The following IDE variants were observed in gnomAD, a reference collection of about 807,000 sequenced individuals.
IDE encodes insulin degrading enzyme.
IDE carries 58 observed loss-of-function variants against 133.2 expected under a neutral mutation model. The observed-to-expected ratio is 0.44, with a 90% CI of 0.35 to 0.54. The LOEUF is 0.54. IDE is among the 20% of genes least tolerant of loss of function. IDE has a pLI of 0.00. For synonymous variants in IDE, 396 were observed against 421.3 expected, an observed-to-expected ratio of 0.94 and a Z score of 0.73; for missense variants, 981 against 1,234.0, an observed-to-expected ratio of 0.79 and a Z score of 3.07.
At position 92,564,671 on chromosome 10, in the gene IDE, C is replaced by CAAAAAAAAAAAAA. The variant is rs532861372; in HGVS notation, c.98+9238_98+9250dup. ...CCTGGGCGATAAAGCGAGACTGTCT[C>CAAAAAAAAAAAAA]AAAAAAAAAAAAAAAAAAAAAAAAA... is the stretch of plus-strand genomic sequence containing the variant. On this transcript the variant is annotated intron_variant, in intron 1 of 24. Coordinates refer to ENST00000265986, the MANE Select transcript of IDE (RefSeq NM_004969.4). Among the ~76,000 whole-genome samples, 10 of 31,586 alleles carry CAAAAAAAAAAAAA rather than the reference C, an allele frequency of 3.2e-4. 1 individual carries two copies. The highest frequency in any genetic ancestry group is 9.9e-4 in the South Asian group (1 of 1,012). 20.7% of individuals were successfully genotyped at this position (31,586 alleles called of 152,430 possible). A position where few individuals can be genotyped will look rare whatever the true frequency, so the allele number is the denominator to read the frequency against.
At chr10:92,463,699 C>G in intron 21 of IDE, 32 bp downstream of exon 21, 1 of 1,583,496 alleles carries the variant, frequency 6.3e-7, no homozygotes, top group Non-Finnish European at 8.7e-7. Flanking sequence ...TACTTGAATG[C>G]CATAAATGTT....
intron 11 of IDE, among the ~76,000 whole-genome samples, chr10:92,495,217 T>C (rs903512564): frequency 1.1e-4 from 6 of 56,304 alleles, no homozygotes; most frequent in African/African-American, 4.0e-4. Flanking sequence ...CACACTCGGC[T>C]TTTTTTTTTT....
intron 19 of IDE, among the ~76,000 whole-genome samples, chr10:92,466,612 T>G (rs1445035925): frequency 1.5e-5 from 2 of 137,584 alleles, no homozygotes; most frequent in African/African-American, 2.9e-5. Flanking sequence ...CCACCACGCC[T>G]GGCCCTTTTC....
intron 11 of IDE, among the ~76,000 whole-genome samples, chr10:92,501,362 TAAAA>T (rs55861862): frequency 1.0e-4 from 2 of 19,232 alleles, no homozygotes; most frequent in East Asian, 1.5e-3. Context: ...ACTCTGTCAT[TAAAA>T]AAAAAAAAAA....
intron 4 of IDE, among the ~76,000 whole-genome samples, chr10:92,523,750 C>T (rs1232925556): frequency 3.3e-5 from 5 of 151,466 alleles, no homozygotes; most frequent in African/African-American, 1.2e-4. Flanking sequence ...ACAGCTCCAC[C>T]CTCTATATTC....
chr10:92,563,711 C>T (rs1274814851), intron 1 of IDE, among the ~76,000 whole-genome samples: 2 of 151,388 alleles, frequency 1.3e-5, no homozygotes, highest in South Asian at 2.1e-4. Flanking sequence ...GCCGGGATCA[C>T]GCCACTGCAC....
At chr10:92,466,214 G>C (rs1367198948) in intron 19 of IDE, among the ~76,000 whole-genome samples, 4 of 116,650 alleles carry the variant, frequency 3.4e-5, no homozygotes, top group African/African-American at 1.4e-4. Context: ...CCAAGACACA[G>C]AGTGAGACCC....
At chr10:92,526,578 G>C (rs1255875830) in intron 4 of IDE, among the ~76,000 whole-genome samples, 1 of 152,108 alleles carries the variant, frequency 6.6e-6, no homozygotes, top group Non-Finnish European at 1.5e-5. Flanking sequence ...GGGCATGATG[G>C]TTCATGCCTG....
At chr10:92,464,620 G>A (rs1845573330) in intron 20 of IDE, among the ~76,000 whole-genome samples, 1 of 152,118 alleles carries the variant, frequency 6.6e-6, no homozygotes, top group Admixed American at 6.6e-5. Flanking sequence ...AACAGCTGTG[G>A]TGCCTCTGGG....
At chr10:92,494,071 T>C (rs930513077) in intron 11 of IDE, among the ~76,000 whole-genome samples, 8 of 152,090 alleles carry the variant, frequency 5.3e-5, no homozygotes, top group African/African-American at 1.9e-4. Context: ...AAAATCTAAT[T>C]ATACCAAAAA....
At chr10:92,541,167 G>T in intron 1 of IDE, 1 of 278,992 alleles carries the variant, frequency 3.6e-6, no homozygotes, top group Non-Finnish European at 7.4e-6. Flanking sequence ...ACTTCTTGAG[G>T]AAGTAAAACC....
In IDE at chr10:92,531,876, C is replaced by T; in HGVS notation, c.533G>A (p.Cys178Tyr). ...AACTGCATTCACCTCTCTGTCTTTGCAACTTTCATCGAACAAGGGGCACAG... is the reference window on the plus strand; with the variant it reads ...AACTGCATTCACCTCTCTGTCTTTGTAACTTTCATCGAACAAGGGGCACAG... ...FFLCPLFDES[C>Y]KDREVNAVDS... The change falls in exon 4 of 25, where the codon TGC (cysteine) becomes TAC (tyrosine). Residue 178 changes from cysteine (C) to tyrosine (Y), a missense_variant. By Grantham distance (194) the Cys-to-Tyr change is radical. Around this residue, in one of 2 missense-constraint regions of IDE, gnomAD observed 321 missense variants for 339.3 expected, o/e 0.95. Transcript: ENST00000265986. 6.4e-7 allele frequency: 1 copy of T among 1,571,636 alleles called. No individual in the cohort carries two copies. Among genetic ancestry groups the T allele is most frequent in the Non-Finnish European group, 8.7e-7 (1 of 1,154,818 alleles).
At position 92,531,908 on chromosome 10, in the gene IDE, C is replaced by T. The variant is rs1849946187; in HGVS notation, c.501G>A (p.Gln167=). 1 of 1,546,020 alleles carries T rather than the reference C, an allele frequency of 6.5e-7. No individual in the cohort carries two copies. Among genetic ancestry groups the T allele is most frequent in the African/African-American group, 1.4e-5 (1 of 72,928 alleles). ...CATCGAACAAGGGGCACAGAAAAAA[C>T]TGTGCAAACCTAAGGGTACGAAACA... The part of the protein sequence containing the change: ...HLEGALDRFA[Q]FFLCPLFDES... Residue 167 remains glutamine (Q), a synonymous_variant, in exon 4 of 25, where the codon CAG becomes CAA. Coordinates refer to ENST00000265986, the MANE Select transcript of IDE (RefSeq NM_004969.4).
rs1245107744 is a variant in IDE at position 92,452,109 on chromosome 10, T to TA, written c.*2334dup. The TA allele has an allele frequency of 6.6e-6, 1 of 152,206 alleles. No individual in the cohort carries two copies. Among genetic ancestry groups the TA allele is most frequent in the Non-Finnish European group, 1.5e-5 (1 of 68,034 alleles). 9.4% of individuals were successfully genotyped at this position (152,206 alleles called of 1,614,324 possible). ...CAGAAACACTTTTAAAATGTTAATA[T>TA]AATTCACTGCTTTCTGCATTATGAA... On this transcript the variant is annotated 3_prime_UTR_variant, in exon 25 of 25. Transcript: ENST00000265986.
rs556304064 is a variant in IDE at position 92,451,798 on chromosome 10, T to C, written c.*2646A>G. The C allele has an allele frequency of 4.6e-5, 7 of 152,366 alleles. No individual in the cohort carries two copies. The highest frequency in any genetic ancestry group is 4.6e-4 in the Admixed American group (7 of 15,304). The allele number at this position is 152,366 out of a possible 1,614,324, so 9.4% of individuals were successfully genotyped here. A position where few individuals can be genotyped will look rare whatever the true frequency, so the allele number is the denominator to read the frequency against. ...CACTATATGAGTAGAAAAATTATTT[T>C]GACAGGGATCAAGAAGACAGAGATT... On this transcript the variant is annotated 3_prime_UTR_variant, in exon 25 of 25. Coordinates refer to ENST00000265986, the MANE Select transcript of IDE (RefSeq NM_004969.4).
chr10:92,539,690 G>C (rs1383093321), intron 1 of IDE, among the ~76,000 whole-genome samples: 1 of 152,038 alleles, frequency 6.6e-6, no homozygotes. Context: ...CTTCAACCCG[G>C]GAGGCAAAGG....
intron 15 of IDE, chr10:92,478,861 G>A (rs749243749): frequency 8.4e-5 from 63 of 749,548 alleles, no homozygotes; most frequent in Non-Finnish European, 9.1e-5. Flanking sequence ...AAACATGACC[G>A]AAGAGTATGG....
intron 9 of IDE, among the ~76,000 whole-genome samples, chr10:92,506,797 C>T (rs1172562970): frequency 6.6e-6 from 1 of 151,966 alleles, no homozygotes; most frequent in East Asian, 1.9e-4. Context: ...GGATATGGCT[C>T]GATAGCCTAA....
chr10:92,528,385 T>A (rs1849739130), intron 4 of IDE, among the ~76,000 whole-genome samples: 1 of 151,994 alleles, frequency 6.6e-6, no homozygotes, highest in Non-Finnish European at 1.5e-5. Flanking sequence ...CACTTTGGAC[T>A]ACTAAAACTG....
Sources: allele counts gnomAD v4.1 joint callset (sites outside exome capture counted in the v4.1 genomes callset), GRCh38; gene constraint gnomAD v4.1.1; regional missense constraint gnomAD v4.1.1; transcripts MANE v1.5; gene names NCBI Gene and HGNC (gene_info 2026-07-23, HGNC 2026-07-21).